Variants in EYA2 observed in about 807,000 individuals in gnomAD.
The protein encoded by EYA2 is protein phosphatase EYA2.
In EYA2, 31 loss-of-function variants were observed where a neutral mutation model predicts 69.2. The ratio of observed to expected loss-of-function variants is 0.45; its 90% CI spans 0.34 to 0.60. The LOEUF (loss-of-function observed/expected upper bound fraction) is 0.60. Ranked by LOEUF, EYA2 falls within the 20% of genes least tolerant of loss-of-function variation. The probability of loss-of-function intolerance (pLI) is 0.02; values close to 1 mark genes in which losing one functional copy is unlikely to be tolerated. For synonymous variants in EYA2, 257 were observed against 279.4 expected, an observed-to-expected ratio of 0.92 and a Z score of 0.80; for missense variants, 622 against 701.2, an observed-to-expected ratio of 0.89 and a Z score of 1.28.
chr20:47,153,229 GTATGGCTTTTTCT>G (rs1292427083), intron 10 of EYA2, among the ~76,000 whole-genome samples: 1 of 152,012 alleles, frequency 6.6e-6, no homozygotes, highest in Non-Finnish European at 1.5e-5. Flanking sequence ...TTTGTTAAAT[GTATGGCTTTTTCT>G]TACTCGTGTT....
At chr20:46,924,093 C>T (rs936288663) in intron 1 of EYA2, among the ~76,000 whole-genome samples, 1 of 152,112 alleles carries the variant, frequency 6.6e-6, no homozygotes, top group Non-Finnish European at 1.5e-5. Context: ...TAGTTATCTT[C>T]TATTTTTTGA....
At chr20:47,034,014 C>G (rs189698723) in intron 5 of EYA2, among the ~76,000 whole-genome samples, 81 of 152,286 alleles carry the variant, frequency 5.3e-4, no homozygotes, top group African/African-American at 1.9e-3. Flanking sequence ...TCTTTCAGCC[C>G]TTCTGATTCA....
At chr20:47,029,650 A>G (rs1372351567) in intron 5 of EYA2, among the ~76,000 whole-genome samples, 1 of 152,110 alleles carries the variant, frequency 6.6e-6, no homozygotes, top group Non-Finnish European at 1.5e-5. Context: ...CTTATTCTCT[A>G]TACTTAACAC....
At chr20:47,036,208 G>T (rs1442396218) in intron 5 of EYA2, among the ~76,000 whole-genome samples, 1 of 152,184 alleles carries the variant, frequency 6.6e-6, no homozygotes, top group East Asian at 1.9e-4. Flanking sequence ...CGGGATCAGG[G>T]CCGGGACTAG....
intron 3 of EYA2, among the ~76,000 whole-genome samples, chr20:47,002,427 G>C (rs1251696451): frequency 6.6e-6 from 1 of 152,118 alleles, no homozygotes; most frequent in Non-Finnish European, 1.5e-5. Context: ...TCATTGTTCA[G>C]CTCTCACTTG....
At chr20:47,105,827 A>G (rs534546227) in intron 9 of EYA2, among the ~76,000 whole-genome samples, 4 of 152,340 alleles carry the variant, frequency 2.6e-5, no homozygotes, top group African/African-American at 9.6e-5. Flanking sequence ...ATCAAGCTCA[A>G]TCATATTTTA....
rs183767944 is a variant in EYA2 at position 46,927,699 on chromosome 20, A to G, written c.-11+32712A>G. Among the ~76,000 whole-genome samples, 321 of 152,330 alleles carry G rather than the reference A, an allele frequency of 2.1e-3. 2 individuals are homozygous for G. Among genetic ancestry groups the G allele is most frequent in the African/African-American group, 7.1e-3 (297 of 41,590 alleles). On this transcript the variant is annotated intron_variant, in intron 1 of 15. Transcript: ENST00000327619. ...CTATCTCCCACTGGGCCCCTCCTACAACACGTGGGAATTATGGGAGCTACA... is the reference window on the plus strand; with the variant it reads ...CTATCTCCCACTGGGCCCCTCCTACGACACGTGGGAATTATGGGAGCTACA...
At chr20:47,078,362 C>CACACACAT (rs1364063715) in intron 7 of EYA2, among the ~76,000 whole-genome samples, 1 of 150,354 alleles carries the variant, frequency 6.7e-6, no homozygotes, top group Non-Finnish European at 1.5e-5. Context: ...CACACACACA[C>CACACACAT]ATTCATGCAC....
At chr20:47,019,790 T>C (rs1983634986) in intron 5 of EYA2, among the ~76,000 whole-genome samples, 2 of 145,880 alleles carry the variant, frequency 1.4e-5, no homozygotes, top group Admixed American at 1.4e-4. Flanking sequence ...GGAAACCTGG[T>C]GAAACCCATC....
At chr20:47,180,771 T>C (rs2034522738) in intron 13 of EYA2, 44 bp from the exon 14 acceptor site, 2 of 1,603,520 alleles carry the variant, frequency 1.2e-6, no homozygotes, top group South Asian at 2.2e-5. Flanking sequence ...GGCCTGGCCT[T>C]GTGGTCCCTC....
At chr20:47,121,977 C>T (rs541140821) in intron 9 of EYA2, among the ~76,000 whole-genome samples, 3 of 152,246 alleles carry the variant, frequency 2.0e-5, no homozygotes, top group Admixed American at 1.3e-4. Flanking sequence ...CACACCTGGC[C>T]CTTAAACATA....
intron 12 of EYA2, among the ~76,000 whole-genome samples, chr20:47,178,115 G>A (rs1427392506): frequency 6.6e-6 from 1 of 152,156 alleles, no homozygotes; most frequent in Non-Finnish European, 1.5e-5. Flanking sequence ...ATTGCTTGAG[G>A]CCAGGAGTTC....
chr20:47,107,773 AAGT>A lies in EYA2; in HGVS notation c.888+10608_888+10610del, dbSNP rs369778706. Among the ~76,000 whole-genome samples the A allele has an allele frequency of 6.3e-3, 948 of 151,346 alleles. 18 individuals carry two copies. Among genetic ancestry groups the A allele is most frequent in the African/African-American group, 0.022 (905 of 41,090 alleles). On this transcript the variant is annotated intron_variant, in intron 9 of 15. Coordinates refer to ENST00000327619, the MANE Select transcript of EYA2 (RefSeq NM_005244.5). ...AGAAGGAAAAAGGAGAAGAAAGAAGAAGTAGGAAGAGGAAGAGGAAGAAGGAAG... is the reference window on the plus strand; with the variant it reads ...AGAAGGAAAAAGGAGAAGAAAGAAGAAGGAAGAGGAAGAGGAAGAAGGAAG...
chr20:46,918,086 C>T lies in EYA2; in HGVS notation c.-11+23099C>T, dbSNP rs564746570. ...CCACAATCCCAGCACTTTGGGAAGC[C>T]GAGGTGGGCGGATCCTGAGGTCAGG... is the stretch of plus-strand genomic sequence containing the variant. On this transcript the variant is annotated intron_variant, in intron 1 of 15. Transcript: ENST00000327619. Among the ~76,000 whole-genome samples, 46 of 152,118 alleles carry T rather than the reference C, an allele frequency of 3.0e-4. No homozygotes were observed. The South Asian group carries it at 9.1e-3, about 30-fold the overall frequency.
At chr20:47,152,903 G>C (rs2033851805) in intron 10 of EYA2, among the ~76,000 whole-genome samples, 1 of 151,518 alleles carries the variant, frequency 6.6e-6, no homozygotes, top group African/African-American at 2.4e-5. Flanking sequence ...CTTCACTCCA[G>C]CCTGGGTGAC....
intron 1 of EYA2, among the ~76,000 whole-genome samples, chr20:46,918,741 T>C (rs569432873): frequency 7.2e-5 from 11 of 152,350 alleles, no homozygotes; most frequent in Non-Finnish European, 1.5e-4. Flanking sequence ...GAATCACGAA[T>C]GTCCCTAATG....
intron 9 of EYA2, among the ~76,000 whole-genome samples, chr20:47,115,058 A>C (rs1175054134): frequency 6.6e-6 from 1 of 152,240 alleles, no homozygotes; most frequent in East Asian, 1.9e-4. Context: ...ATAGCAATGC[A>C]AGAATGGACT....
At chr20:47,005,266 A>C (rs911462426) in intron 4 of EYA2, among the ~76,000 whole-genome samples, 182 bp downstream of exon 4, 1 of 152,232 alleles carries the variant, frequency 6.6e-6, no homozygotes, top group Non-Finnish European at 1.5e-5. Flanking sequence ...TAATATCAAG[A>C]TCCCTTTTGA....
chr20:46,994,886 C>T (rs943547160), intron 2 of EYA2, among the ~76,000 whole-genome samples: 1 of 145,284 alleles, frequency 6.9e-6, no homozygotes, highest in Non-Finnish European at 1.5e-5. Flanking sequence ...CCTCTACTGC[C>T]ACTTGGTACT....
Sources: gnomAD v4.1 joint callset for allele counts (sites outside exome capture counted in the v4.1 genomes callset) on GRCh38, gnomAD v4.1.1 for gene constraint, MANE v1.5 for transcripts, NCBI Gene and HGNC (gene_info 2026-07-23, HGNC 2026-07-21) for gene names.